Variants in IGFBP5 observed in about 807,000 individuals in gnomAD.
IGFBP5 encodes the protein insulin-like growth factor-binding protein 5.
IGFBP5 carries 12 observed loss-of-function variants against 28.0 expected under a neutral mutation model. The ratio of observed to expected loss-of-function variants is 0.43; its 90% CI spans 0.27 to 0.69. The LOEUF is 0.69. Ranked by LOEUF, IGFBP5 falls within the 30% of genes least tolerant of loss-of-function variation. The pLI, the probability that IGFBP5 is intolerant of heterozygous loss-of-function variation, is 0.20. For missense variants in IGFBP5, 344 were observed against 381.6 expected (o/e 0.90, Z 0.82); for synonymous variants, 152 against 150.2 (o/e 1.01, Z -0.09).
At chr2:216,689,985 G>C (rs1385297596) in intron 1 of IGFBP5, among the ~76,000 whole-genome samples, 1 of 151,432 alleles carries the variant, frequency 6.6e-6, no homozygotes, top group Non-Finnish European at 1.5e-5. Context: ...AAAAGAGAGA[G>C]AGAGAGAGAA....
At position 216,676,874 on chromosome 2, in the gene IGFBP5, A is replaced by G. The variant is rs1483972875; in HGVS notation, c.696T>C (p.Pro232=). The G allele has an allele frequency of 6.2e-7, 1 of 1,614,042 alleles. No homozygotes were observed. Among genetic ancestry groups the G allele is most frequent in the Non-Finnish European group, 8.5e-7 (1 of 1,179,958 alleles). The change falls in exon 4 of 4, where the codon CCT becomes CCC. Residue 232 remains proline (P), a synonymous_variant. Transcript: ENST00000233813. ...KGFYKRKQCK[P]SRGRKRGICW... is the part of the protein sequence containing the mutation. ...AGATGCCACGTTTGCGGCCACGGGA[A>G]GGTTTGCACTGGGGTGAGTAGAGCA...
intron 1 of IGFBP5, among the ~76,000 whole-genome samples, chr2:216,684,311 C>T (rs771521072): frequency 3.3e-5 from 5 of 152,196 alleles, no homozygotes; most frequent in Non-Finnish European, 5.9e-5. Flanking sequence ...CTAAACCCCC[C>T]GCCCCCGGAC....
chr2:216,694,751 G>A lies in IGFBP5; in HGVS notation c.25C>T (p.Leu9=), dbSNP rs1689147800. 1 of 1,432,876 alleles carries A rather than the reference G, an allele frequency of 7.0e-7. No homozygotes were observed. The highest frequency in any genetic ancestry group is 3.0e-5 in the Admixed American group (1 of 33,598). 88.8% of individuals were successfully genotyped at this position (1,432,876 alleles called of 1,614,324 possible). Residue 9 remains leucine (L), a synonymous_variant, in exon 1 of 4, where the codon CTG becomes TTG. Transcript: ENST00000233813. The surrounding 1 kb of genome is among the most constrained non-coding windows in gnomAD (Gnocchi z 5.2). MVLLTAVL[L]LLAAYAGPAQ... is the part of the protein sequence containing the mutation. Reference sequence around the variant, plus strand: ...GGCCCCGCATAGGCGGCCAGCAGCAGGAGGACCGCGGTGAGCAACACCATC... The same window carrying A: ...GGCCCCGCATAGGCGGCCAGCAGCAAGAGGACCGCGGTGAGCAACACCATC...
rs1046085204 is a variant in IGFBP5, at chr2:216,675,258, C to T, written c.*1493G>A. On this transcript the variant is annotated 3_prime_UTR_variant, in exon 4 of 4. Coordinates refer to ENST00000233813, the MANE Select transcript of IGFBP5 (RefSeq NM_000599.4). Reference sequence around the variant, plus strand: ...TTTTGCCACCATCTCCCTCTGCCATCTCTTACTTCAGTCTCCCTCCTGCTC... The same window carrying T: ...TTTTGCCACCATCTCCCTCTGCCATTTCTTACTTCAGTCTCCCTCCTGCTC... The T allele has an allele frequency of 4.6e-5, 7 of 152,628 alleles. No individual in the cohort carries two copies. In the East Asian group the frequency reaches 1.2e-3, roughly 25 times the overall value. The allele number at this position is 152,628 out of a possible 1,614,324, so 9.5% of individuals were successfully genotyped here.
At position 216,679,033 on chromosome 2, in the gene IGFBP5, G is replaced by A. The variant is rs146074282; in HGVS notation, c.384C>T (p.Ala128=). 64 of 1,614,014 alleles carry A rather than the reference G, an allele frequency of 4.0e-5. No individual in the cohort carries two copies. The Middle Eastern group carries it at 6.6e-4, about 17-fold the overall frequency. The change falls in exon 2 of 4, where the codon GCC becomes GCT. Residue 128 remains alanine, a synonymous_variant. Transcript: ENST00000233813. This position sits in a 1 kb window ranked among gnomAD's most constrained non-coding sequence, Gnocchi z 4.6. ...EHEEPTTSEM[A]EETYSPKIFR... Reference sequence around the variant, plus strand: ...AGATCTTGGGGGAGTAGGTCTCCTCGGCCATCTCAGAGGTGGTGGGCTCCT... The same window carrying A: ...AGATCTTGGGGGAGTAGGTCTCCTCAGCCATCTCAGAGGTGGTGGGCTCCT...
At chr2:216,685,938 G>A (rs970886610) in intron 1 of IGFBP5, among the ~76,000 whole-genome samples, 2 of 151,726 alleles carry the variant, frequency 1.3e-5, no homozygotes, top group Non-Finnish European at 2.9e-5. Flanking sequence ...AGGCATGCAT[G>A]TTCCGGGTTC....
Position 216,678,118 on chromosome 2 carries a change from T to A in IGFBP5, c.681A>T (p.Arg227Ser). 6.6e-7 allele frequency: 1 copy of A among 1,525,972 alleles called. No individual in the cohort carries two copies. Among genetic ancestry groups the A allele is most frequent in the Non-Finnish European group, 8.9e-7 (1 of 1,128,084 alleles). The allele number at this position is 1,525,972 out of a possible 1,614,324, so 94.5% of individuals were successfully genotyped here. ...PNCDRKGFYK[R>S]KQCKPSRGRK... is the part of the protein sequence containing the mutation. ...CTCAGGGCAGGGGACGTACCTGCTT[T>A]CTCTTGTAGAATCCTTTGCGGTCAC... The change falls in exon 3 of 4, where the codon AGA becomes AGT. Residue 227 changes from arginine (R) to serine (S), a missense_variant. Arg to Ser is a moderately radical substitution (Grantham distance 110). Transcript: ENST00000233813.
Position 216,679,006 on chromosome 2 carries a change from G to A in IGFBP5, c.411C>T (p.Phe137=). The change falls in exon 2 of 4, where the codon TTC becomes TTT. Residue 137 remains phenylalanine, a synonymous_variant. Transcript: ENST00000233813. The surrounding 1 kb of genome is among the most constrained non-coding windows in gnomAD (Gnocchi z 4.6). ...MAEETYSPKI[F]RPKHTRISEL... ...CGGAGATGCGGGTGTGTTTGGGCCG[G>A]AAGATCTTGGGGGAGTAGGTCTCCT... The A allele has an allele frequency of 6.2e-7, 1 of 1,614,134 alleles. No homozygotes were observed. The highest frequency in any genetic ancestry group is 1.1e-5 in the South Asian group (1 of 91,076).
At chr2:216,680,657 C>T (rs777410813) in intron 1 of IGFBP5, among the ~76,000 whole-genome samples, 65 of 152,160 alleles carry the variant, frequency 4.3e-4, no homozygotes, top group Non-Finnish European at 4.7e-4. Context: ...CAGAGAAGGT[C>T]CCTGCCCTAA....
chr2:216,678,345 C>G, intron 2 of IGFBP5, 114 bp from the exon 3 acceptor site: 1 of 1,137,658 alleles, frequency 8.8e-7, no homozygotes. Context: ...AAGTCACCAC[C>G]TTTGGTTCTA....
At position 216,694,433 on chromosome 2, in the gene IGFBP5, G is replaced by A; in HGVS notation, c.337+6C>T. The A allele has an allele frequency of 1.3e-6, 2 of 1,525,054 alleles. No homozygotes were observed. Among genetic ancestry groups the A allele is most frequent in the South Asian group, 1.2e-5 (1 of 80,074 alleles). 94.5% of individuals were successfully genotyped at this position (1,525,054 alleles called of 1,614,324 possible). ...CGTAACTGACTGGCACACTGAGCGC[G>A]CTCACCGATCTTGACTTGCTCGCGG... On this transcript the variant is annotated splice_donor_region_variant and intron_variant, in intron 1 of 3. Coordinates refer to ENST00000233813, the MANE Select transcript of IGFBP5 (RefSeq NM_000599.4). This position sits in a 1 kb window ranked among gnomAD's most constrained non-coding sequence, Gnocchi z 5.2.
chr2:216,673,910 A>C lies in IGFBP5; in HGVS notation c.*2841T>G, dbSNP rs1688865674. On this transcript the variant is annotated 3_prime_UTR_variant, in exon 4 of 4. Coordinates refer to ENST00000233813, the MANE Select transcript of IGFBP5 (RefSeq NM_000599.4). This position sits in a 1 kb window ranked among gnomAD's most constrained non-coding sequence, Gnocchi z 4.3. ...CCAGCTGCCCAGGAGAAACTCCTGC[A>C]TGCAGAAGAGACTCACAGGTTTGGG... 6.6e-6 allele frequency: 1 copy of C among 152,590 alleles called. No homozygotes were observed. Among genetic ancestry groups the C allele is most frequent in the Non-Finnish European group, 1.5e-5 (1 of 68,068 alleles). The allele number at this position is 152,590 out of a possible 1,614,324, so 9.5% of individuals were successfully genotyped here. A position where few individuals can be genotyped will look rare whatever the true frequency, so the allele number is the denominator to read the frequency against.
chr2:216,677,681 G>T (rs775466532), intron 3 of IGFBP5, among the ~76,000 whole-genome samples: 1 of 152,226 alleles, frequency 6.6e-6, no homozygotes, highest in African/African-American at 2.4e-5. Context: ...CATCAGCCAT[G>T]CCCTCCAGGG....
intron 1 of IGFBP5, among the ~76,000 whole-genome samples, chr2:216,684,359 C>T (rs729597): frequency 0.063 from 9,571 of 152,256 alleles, 589 homozygotes; most frequent in East Asian, 0.18. Context: ...CAGCCTGTTC[C>T]TGGGCTGGTG....
intron 1 of IGFBP5, among the ~76,000 whole-genome samples, chr2:216,690,537 AG>A (rs1468862599): frequency 2.6e-5 from 4 of 152,252 alleles, no homozygotes; most frequent in Non-Finnish European, 5.9e-5. Context: ...GGGCTTCTGC[AG>A]GGAATTCCTG....
In IGFBP5 at chr2:216,675,841, A is replaced by C. The variant is rs1688890909; in HGVS notation, c.*910T>G. ...TTTTTTTTTCAGCCTATCCTCCCCC[A>C]CAGAGGCTGCTGCGCTACTTACAAA... On this transcript the variant is annotated 3_prime_UTR_variant, in exon 4 of 4. Transcript: ENST00000233813. 6.6e-6 allele frequency: 1 copy of C among 151,778 alleles called. No individual in the cohort carries two copies. The highest frequency in any genetic ancestry group is 2.4e-5 in the African/African-American group (1 of 41,292). 9.4% of individuals were successfully genotyped at this position (151,778 alleles called of 1,614,324 possible).
chr2:216,675,768 T>C lies in IGFBP5; in HGVS notation c.*983A>G, dbSNP rs1688889946. The C allele has an allele frequency of 6.6e-6, 1 of 151,924 alleles. No individual in the cohort carries two copies. The highest frequency in any genetic ancestry group is 1.5e-5 in the Non-Finnish European group (1 of 67,984). The allele number at this position is 151,924 out of a possible 1,614,324, so 9.4% of individuals were successfully genotyped here. ...AACAAAGAAAAAGAATAGATTTATA[T>C]GCCTATATATGACTATATGGAGTCC... On this transcript the variant is annotated 3_prime_UTR_variant, in exon 4 of 4. Coordinates refer to ENST00000233813, the MANE Select transcript of IGFBP5 (RefSeq NM_000599.4).
intron 1 of IGFBP5, among the ~76,000 whole-genome samples, chr2:216,687,671 C>G (rs930965881): frequency 2.6e-5 from 4 of 152,156 alleles, no homozygotes; most frequent in African/African-American, 9.7e-5. Context: ...CTGTCTGTTC[C>G]TCATACATTC....
rs1292475305 is a variant in IGFBP5, at chr2:216,679,851, C to T, written c.338-772G>A. Among the ~76,000 whole-genome samples, 2 of 152,192 alleles carry T rather than the reference C, an allele frequency of 1.3e-5. No homozygotes were observed. Among genetic ancestry groups the T allele is most frequent in the African/African-American group, 2.4e-5 (1 of 41,428 alleles). Reference sequence around the variant, plus strand: ...GGCTGGGACGTTACTCAGCTCTGGACTGAGAGAGGCCGACAGCTGGCTGAG... The same window carrying T: ...GGCTGGGACGTTACTCAGCTCTGGATTGAGAGAGGCCGACAGCTGGCTGAG... On this transcript the variant is annotated intron_variant, in intron 1 of 3. Transcript: ENST00000233813. The surrounding 1 kb of genome is among the most constrained non-coding windows in gnomAD (Gnocchi z 4.6).
Sources: allele counts gnomAD v4.1 joint callset (sites outside exome capture counted in the v4.1 genomes callset), GRCh38; gene constraint gnomAD v4.1.1; non-coding constraint Gnocchi (gnomAD v3.1); transcripts MANE v1.5; gene names NCBI Gene and HGNC (gene_info 2026-07-23, HGNC 2026-07-21).